The following WAPL variants were observed in gnomAD, a reference collection of about 807,000 sequenced individuals.
The protein encoded by WAPL is wings apart-like protein homolog.
In WAPL, 5 loss-of-function variants were observed where a neutral mutation model predicts 121.0. The ratio of observed to expected loss-of-function variants is 0.04; its 90% confidence interval spans 0.02 to 0.09. The LOEUF is 0.09. Among genes scored for constraint, WAPL ranks in the 10% least tolerant of loss-of-function variants. The pLI is 1.00. For missense variants in WAPL, 999 were observed against 1,410.8 expected (o/e 0.71, Z 4.68); for synonymous variants, 480 against 481.5 (o/e 1.00, Z 0.04).
At chr10:86,466,306 T>G (rs1037461105) in intron 9 of WAPL, among the ~76,000 whole-genome samples, 3 of 152,094 alleles carry the variant, frequency 2.0e-5, no homozygotes, top group Non-Finnish European at 4.4e-5. Flanking sequence ...GGGTGGTGGC[T>G]CACGCCTGTA....
chr10:86,468,379 T>A (rs1231650450), intron 8 of WAPL, among the ~76,000 whole-genome samples: 1 of 151,862 alleles, frequency 6.6e-6, no homozygotes, highest in Non-Finnish European at 1.5e-5. Context: ...TTTGTATTTT[T>A]TGTGGATGGG....
chr10:86,485,759 G>C (rs1255375035), intron 4 of WAPL, among the ~76,000 whole-genome samples: 1 of 152,106 alleles, frequency 6.6e-6, no homozygotes, highest in Non-Finnish European at 1.5e-5. Flanking sequence ...TTCTGGTTTG[G>C]AACAAACACA....
At chr10:86,520,486 A>G (rs1051477891) in intron 1 of WAPL, among the ~76,000 whole-genome samples, 1 of 152,188 alleles carries the variant, frequency 6.6e-6, no homozygotes, top group Admixed American at 6.5e-5. Flanking sequence ...AGTTCATTAT[A>G]TAATATCTCC....
intron 4 of WAPL, among the ~76,000 whole-genome samples, chr10:86,487,190 G>A (rs1293409153): frequency 1.3e-5 from 2 of 151,856 alleles, no homozygotes; most frequent in Non-Finnish European, 2.9e-5. Context: ...GAATGAAAAG[G>A]TAGAAGTCAA....
Position 86,507,719 on chromosome 10 carries a change from GTT to G in WAPL, c.500-6978_500-6977del, listed in dbSNP as rs112920287. ...AAACATTAAAATCAGATAGCCCACT[GTT>G]TTTTTTTTTTTAATCACAACCTACC... is the stretch of plus-strand genomic sequence containing the variant. On this transcript the variant is annotated intron_variant, in intron 2 of 18. Coordinates refer to ENST00000298767, the MANE Select transcript of WAPL (RefSeq NM_015045.5). Among the ~76,000 whole-genome samples, 1,195 of 143,124 alleles carry G rather than the reference GTT, an allele frequency of 8.3e-3. 17 individuals carry two copies. Among genetic ancestry groups the G allele is most frequent in the African/African-American group, 0.029 (1,137 of 39,628 alleles). The allele number at this position is 143,124 out of a possible 152,430, so 93.9% of individuals were successfully genotyped here.
At chr10:86,463,135 TA>T (rs1841327161) in intron 9 of WAPL, among the ~76,000 whole-genome samples, 1 of 151,992 alleles carries the variant, frequency 6.6e-6, no homozygotes, top group Non-Finnish European at 1.5e-5. Context: ...AATCAGAAAA[TA>T]AGAGGAACAG....
intron 4 of WAPL, among the ~76,000 whole-genome samples, chr10:86,485,852 G>A (rs1354016069): frequency 6.6e-6 from 1 of 151,958 alleles, no homozygotes; most frequent in African/African-American, 2.4e-5. Flanking sequence ...ATTCATTTTT[G>A]TATCCCTAGC....
Position 86,500,753 on chromosome 10 carries a change from T to C in WAPL, c.500-10A>G, listed in dbSNP as rs757011253. ...AAATTCTCCACTTTATCTGTAAAAATAAGTCAAAGGATAAAAACATGAGTG... is the reference window on the plus strand; with the variant it reads ...AAATTCTCCACTTTATCTGTAAAAACAAGTCAAAGGATAAAAACATGAGTG... On this transcript the variant is annotated splice_polypyrimidine_tract_variant and intron_variant, in intron 2 of 18. Coordinates refer to ENST00000298767, the MANE Select transcript of WAPL (RefSeq NM_015045.5). 6.5e-7 allele frequency: 1 copy of C among 1,539,224 alleles called. No individual in the cohort carries two copies. Among genetic ancestry groups the C allele is most frequent in the Admixed American group, 2.2e-5 (1 of 44,860 alleles).
At chr10:86,440,555 T>C (rs1849441286) in intron 17 of WAPL, among the ~76,000 whole-genome samples, 1 of 152,120 alleles carries the variant, frequency 6.6e-6, no homozygotes, top group Non-Finnish European at 1.5e-5. Context: ...CACCTTGGCC[T>C]CCCAAAGTGC....
chr10:86,495,788 A>G (rs1186256556), intron 4 of WAPL, among the ~76,000 whole-genome samples: 1 of 152,164 alleles, frequency 6.6e-6, no homozygotes. Flanking sequence ...ACATACTACT[A>G]CAACTCAATA....
chr10:86,483,029 T>A (rs991176709), intron 4 of WAPL, among the ~76,000 whole-genome samples: 5 of 152,206 alleles, frequency 3.3e-5, no homozygotes, highest in Non-Finnish European at 5.9e-5. Flanking sequence ...GCTGAAAAAT[T>A]CCTAACATTT....
At position 86,472,602 on chromosome 10, in the gene WAPL, G is replaced by C. The variant is rs553957786; in HGVS notation, c.1893+10C>G. ...TCAACATGCAGTAAACACTGTATAT[G>C]GCTGCTTACTTCTTTGTCTTCTCGT... On this transcript the variant is annotated intron_variant, in intron 6 of 18. Transcript: ENST00000298767. The surrounding 1 kb of genome is among the most constrained non-coding windows in gnomAD (Gnocchi z 4.2). The C allele has an allele frequency of 9.3e-6, 15 of 1,612,642 alleles. No homozygotes were observed. The highest frequency in any genetic ancestry group is 3.4e-5 in the Admixed American group (2 of 59,698).
intron 8 of WAPL, 94 bp from the exon 9 acceptor site, chr10:86,467,600 A>G: frequency 1.1e-6 from 1 of 933,228 alleles, no homozygotes; most frequent in East Asian, 2.6e-5. Context: ...TTTGTTTACA[A>G]GTTAATGCTT....
rs555171145 is a variant in WAPL at position 86,510,547 on chromosome 10, T to A, written c.499+7024A>T. Reference sequence around the variant, plus strand: ...TAAATTTCATATTTTACCCCATAGCTGGTATTCAATCTGGATCTGAGAAGA... The same window carrying A: ...TAAATTTCATATTTTACCCCATAGCAGGTATTCAATCTGGATCTGAGAAGA... On this transcript the variant is annotated intron_variant, in intron 2 of 18. Coordinates refer to ENST00000298767, the MANE Select transcript of WAPL (RefSeq NM_015045.5). Among the ~76,000 whole-genome samples, 3 of 152,364 alleles carry A rather than the reference T, an allele frequency of 2.0e-5. No homozygotes were observed. The East Asian group carries it at 5.8e-4, about 29-fold the overall frequency.
intron 8 of WAPL, among the ~76,000 whole-genome samples, chr10:86,469,012 G>A (rs1445103483): frequency 6.6e-6 from 1 of 151,960 alleles, no homozygotes; most frequent in African/African-American, 2.4e-5. Flanking sequence ...GCTGAGGCAG[G>A]ACAATCGCTT....
At chr10:86,478,110 C>T (rs1314451460) in intron 4 of WAPL, among the ~76,000 whole-genome samples, 1 of 113,520 alleles carries the variant, frequency 8.8e-6, no homozygotes, top group East Asian at 2.6e-4. Flanking sequence ...AAACCAGATA[C>T]CTAAACTTTT....
chr10:86,492,378 A>G (rs1842067150), intron 4 of WAPL, among the ~76,000 whole-genome samples: 1 of 152,208 alleles, frequency 6.6e-6, no homozygotes, highest in South Asian at 2.1e-4. Flanking sequence ...ATGAGGTAAG[A>G]CAATAATGGG....
intron 17 of WAPL, among the ~76,000 whole-genome samples, chr10:86,442,006 C>G (rs1177958030): frequency 6.6e-6 from 1 of 152,084 alleles, no homozygotes; most frequent in Non-Finnish European, 1.5e-5. Context: ...TGAACAGATT[C>G]ATCCATCAAA....
rs377389473 is a variant in WAPL at position 86,438,053 on chromosome 10, G to T, written c.3412-38C>A. 7 of 1,476,394 alleles carry T rather than the reference G, an allele frequency of 4.7e-6. No individual in the cohort carries two copies. In the African/African-American group the frequency reaches 8.4e-5, roughly 18 times the overall value. The allele number at this position is 1,476,394 out of a possible 1,614,324, so 91.5% of individuals were successfully genotyped here. A position where few individuals can be genotyped will look rare whatever the true frequency, so the allele number is the denominator to read the frequency against. On this transcript the variant is annotated intron_variant, in intron 17 of 18. Coordinates refer to ENST00000298767, the MANE Select transcript of WAPL (RefSeq NM_015045.5). ...AGCAAGAAATATTGGTCAGCTGGCA[G>T]AAAACATGAGATTGCACCTCGTACA...
Sources: allele counts gnomAD v4.1 joint callset (sites outside exome capture counted in the v4.1 genomes callset), GRCh38; gene constraint gnomAD v4.1.1; non-coding constraint Gnocchi (gnomAD v3.1); transcripts MANE v1.5; gene names NCBI Gene and HGNC (gene_info 2026-07-23, HGNC 2026-07-21).